ZMAT4: variants seen among roughly 807,000 people sequenced by gnomAD.
The protein encoded by ZMAT4 is zinc finger matrin-type 4.
Under a neutral mutation model 28.7 loss-of-function variants are expected in ZMAT4, and 17 were observed. That is an observed-to-expected ratio of 0.59 (90% CI 0.41 to 0.89). ZMAT4 has a LOEUF of 0.89. Among genes scored for constraint, ZMAT4 ranks in the 40% least tolerant of loss-of-function variants. ZMAT4 has a pLI of 0.00. For missense variants in ZMAT4, 240 were observed against 283.8 expected (o/e 0.85, Z 1.11); for synonymous variants, 117 against 109.2 (o/e 1.07, Z -0.44).
At chr8:40,891,695 C>A (rs956899428) in intron 1 of ZMAT4, among the ~76,000 whole-genome samples, 1 of 152,114 alleles carries the variant, frequency 6.6e-6, no homozygotes, top group Non-Finnish European at 1.5e-5. Flanking sequence ...GGTAGATCCC[C>A]TAGTGCCTAC....
intron 3 of ZMAT4, among the ~76,000 whole-genome samples, chr8:40,750,903 CA>C (rs986441502): frequency 1.3e-5 from 2 of 152,190 alleles, no homozygotes; most frequent in African/African-American, 4.8e-5. Context: ...AGTCTGTTGC[CA>C]CCAGAATTCT....
intron 3 of ZMAT4, among the ~76,000 whole-genome samples, chr8:40,742,749 G>GCA (rs10533331): frequency 0.08 from 447 of 5,562 alleles, 3 homozygotes; most frequent in African/African-American, 0.1. Flanking sequence ...GTGCACGCAT[G>GCA]CACACACACA....
At chr8:40,654,355 C>G (rs1231757103) in intron 5 of ZMAT4, among the ~76,000 whole-genome samples, 2 of 152,146 alleles carry the variant, frequency 1.3e-5, no homozygotes, top group East Asian at 3.9e-4. Context: ...CAATGAGGCA[C>G]TTCCCTTGCA....
intron 1 of ZMAT4, among the ~76,000 whole-genome samples, chr8:40,878,849 C>T (rs1019275561): frequency 3.9e-5 from 6 of 152,218 alleles, no homozygotes; most frequent in African/African-American, 1.4e-4. Flanking sequence ...GCATCCCAGG[C>T]ATCTCCAGCC....
At chr8:40,813,134 T>A (rs146547999) in intron 2 of ZMAT4, among the ~76,000 whole-genome samples, 8 of 152,086 alleles carry the variant, frequency 5.3e-5, no homozygotes, top group African/African-American at 1.9e-4. Context: ...CCATACTTTA[T>A]AACCTTCTTG....
At chr8:40,593,384 C>A (rs894598244) in intron 5 of ZMAT4, among the ~76,000 whole-genome samples, 1 of 152,178 alleles carries the variant, frequency 6.6e-6, no homozygotes, top group African/African-American at 2.4e-5. Context: ...ATGCAGGGCA[C>A]AATGAACAAG....
intron 6 of ZMAT4, among the ~76,000 whole-genome samples, chr8:40,534,215 A>G (rs1278593514): frequency 6.6e-6 from 1 of 152,210 alleles, no homozygotes; most frequent in Non-Finnish European, 1.5e-5. Flanking sequence ...AATAATGACA[A>G]ATTAAAATGT....
chr8:40,707,874 G>C (rs546993975), intron 3 of ZMAT4, among the ~76,000 whole-genome samples: 2 of 152,116 alleles, frequency 1.3e-5, no homozygotes, highest in East Asian at 3.9e-4. Context: ...TCTATAATAG[G>C]ACCTGCCATA....
Position 40,843,569 on chromosome 8 carries a change from G to A in ZMAT4, c.-4-17889C>T, listed in dbSNP as rs75357008. Among the ~76,000 whole-genome samples, 31 of 152,332 alleles carry A rather than the reference G, an allele frequency of 2.0e-4. No individual in the cohort carries two copies. The East Asian group carries it at 5.2e-3, about 26-fold the overall frequency. ...TCTCTTCTCTGGTCTTTCTAAAGCA[G>A]CAGCAGCAAGCCCTAATATTTTGGG... On this transcript the variant is annotated intron_variant, in intron 1 of 6. Transcript: ENST00000297737.
At chr8:40,684,433 G>A (rs145399964) in intron 4 of ZMAT4, among the ~76,000 whole-genome samples, 33 of 152,272 alleles carry the variant, frequency 2.2e-4, no homozygotes, top group African/African-American at 6.5e-4. Context: ...TGCAGGTGCC[G>A]CTCTTGGAGT....
intron 4 of ZMAT4, among the ~76,000 whole-genome samples, chr8:40,696,442 C>A (rs903505363): frequency 6.6e-6 from 1 of 152,164 alleles, no homozygotes; most frequent in Non-Finnish European, 1.5e-5. Flanking sequence ...AGAGTAGGCA[C>A]CATGAAATAC....
intron 2 of ZMAT4, among the ~76,000 whole-genome samples, chr8:40,790,459 A>C (rs1814274585): frequency 6.6e-6 from 1 of 152,228 alleles, no homozygotes; most frequent in South Asian, 2.1e-4. Context: ...GTCACCCAGA[A>C]TGAATGCAGT....
At chr8:40,820,793 G>A (rs150460122) in intron 2 of ZMAT4, among the ~76,000 whole-genome samples, 8,452 of 100,390 alleles carry the variant, frequency 0.084, 155 homozygotes, top group Admixed American at 0.15. Flanking sequence ...GTGTGTCTGT[G>A]TGTGTATATA....
At position 40,607,851 on chromosome 8, in the gene ZMAT4, G is replaced by A. The variant is rs12334707; in HGVS notation, c.578-26590C>T. Among the ~76,000 whole-genome samples the A allele has an allele frequency of 8.3e-4, 127 of 152,212 alleles. No homozygotes were observed. The East Asian group carries it at 0.017, about 20-fold the overall frequency. On this transcript the variant is annotated intron_variant, in intron 5 of 6. Coordinates refer to ENST00000297737, the MANE Select transcript of ZMAT4 (RefSeq NM_024645.3). The stretch of plus-strand genomic sequence containing the variant: ...TACTGGGCTCTGGGCTAGTACTGGG[G>A]TGTGTCTGCAAAGAGTCCTGGGATG...
At chr8:40,679,542 C>T (rs183971713) in intron 4 of ZMAT4, among the ~76,000 whole-genome samples, 63 of 152,230 alleles carry the variant, frequency 4.1e-4, no homozygotes, top group Middle Eastern at 3.4e-3. Flanking sequence ...AAGCAAAGGA[C>T]GGGAAGGCCC....
At chr8:40,572,894 T>C (rs1158695789) in intron 6 of ZMAT4, among the ~76,000 whole-genome samples, 1 of 152,180 alleles carries the variant, frequency 6.6e-6, no homozygotes, top group Non-Finnish European at 1.5e-5. Context: ...GTTTGATTAG[T>C]TATCATAATA....
intron 1 of ZMAT4, among the ~76,000 whole-genome samples, chr8:40,876,649 C>G (rs940478687): frequency 2.6e-5 from 4 of 152,188 alleles, no homozygotes; most frequent in African/African-American, 9.7e-5. Flanking sequence ...TTTCTTTTCT[C>G]TAGCTTACTT....
At chr8:40,730,511 T>A (rs970201069) in intron 3 of ZMAT4, among the ~76,000 whole-genome samples, 7 of 152,244 alleles carry the variant, frequency 4.6e-5, no homozygotes, top group Non-Finnish European at 7.3e-5. Context: ...ATCTAACACA[T>A]TCACAATACT....
chr8:40,859,454 A>ATG (rs1330247296), intron 1 of ZMAT4, among the ~76,000 whole-genome samples: 2 of 143,656 alleles, frequency 1.4e-5, no homozygotes, highest in African/African-American at 2.6e-5. Flanking sequence ...GTGTCTAGCA[A>ATG]CGCACACACA....
Sources: gnomAD v4.1 joint callset for allele counts (sites outside exome capture counted in the v4.1 genomes callset) on GRCh38, gnomAD v4.1.1 for gene constraint, MANE v1.5 for transcripts, NCBI Gene and HGNC (gene_info 2026-07-23, HGNC 2026-07-21) for gene names.